IP6K3: variants seen among roughly 807,000 people sequenced by gnomAD.
IP6K3 encodes the protein ATP:1D-myo-inositol-hexakisphosphate phosphotransferase.
In IP6K3, 20 loss-of-function variants were observed where a neutral mutation model predicts 28.8. The ratio of observed to expected loss-of-function variants is 0.70; its 90% CI spans 0.49 to 1.01. The LOEUF (loss-of-function observed/expected upper bound fraction) is 1.01, where lower values mean the gene tolerates loss of function less well. Ranked by LOEUF, IP6K3 falls within the 50% of genes least tolerant of loss-of-function variation. The pLI, the probability that IP6K3 is intolerant of heterozygous loss-of-function variation, is 0.00. For synonymous variants in IP6K3, 213 were observed against 221.3 expected, an observed-to-expected ratio of 0.96 and a Z score of 0.33; for missense variants, 480 against 537.1, an observed-to-expected ratio of 0.89 and a Z score of 1.05.
chr6:33,747,576 C>T (rs1766948456), upstream of IP6K3, among the ~76,000 whole-genome samples: 1 of 152,052 alleles, frequency 6.6e-6, no homozygotes, highest in South Asian at 2.1e-4. The surrounding 1 kb of genome is among the most constrained non-coding windows in gnomAD (Gnocchi z 5.2). Context: ...GAAGGAGAAA[C>T]AGGGTCATTT....
chr6:33,752,074 A>C, the IP6K3 span, among the ~76,000 whole-genome samples: 1 of 152,126 alleles, frequency 6.6e-6, no homozygotes, highest in African/African-American at 2.4e-5. Flanking sequence ...GAGGACCCAA[A>C]GCTGCCACCT....
chr6:33,727,168 A>C (rs1398303863), intron 3 of IP6K3, among the ~76,000 whole-genome samples: 1 of 152,184 alleles, frequency 6.6e-6, no homozygotes, highest in Non-Finnish European at 1.5e-5. Flanking sequence ...GGCTGAGGTG[A>C]TTTAAACTCA....
chr6:33,735,408 G>A lies in IP6K3; in HGVS notation c.69C>T (p.His23=). 2 of 1,608,722 alleles carry A rather than the reference G, an allele frequency of 1.2e-6. No homozygotes were observed. Among genetic ancestry groups the A allele is most frequent in the Non-Finnish European group, 1.7e-6 (2 of 1,177,580 alleles). ...TCACGCTCATGTGCCCCCCGACCTGGTGCAGGAAGGGCTCCAGCTGCACGC... is the reference window on the plus strand; with the variant it reads ...TCACGCTCATGTGCCCCCCGACCTGATGCAGGAAGGGCTCCAGCTGCACGC... The part of the protein sequence containing the change: ...RAGVQLEPFL[H]QVGGHMSVMK... The change falls in exon 2 of 6, where the codon CAC becomes CAT. Residue 23 remains histidine, a synonymous_variant. Transcript: ENST00000293756.
At position 33,721,801 on chromosome 6, in the gene IP6K3, C is replaced by A. The variant is rs575243720; in HGVS notation, c.*919G>T. 134 of 152,624 alleles carry A rather than the reference C, an allele frequency of 8.8e-4. 1 individual carries two copies. The highest frequency in any genetic ancestry group is 3.2e-3 in the African/African-American group (133 of 41,526). 9.5% of individuals were successfully genotyped at this position (152,624 alleles called of 1,614,324 possible). ...TAATTAGAACTGTTTGTTCTTATTC[C>A]ATATTTACACTTGTCCACCAGTCTT... is the stretch of plus-strand genomic sequence containing the variant. On this transcript the variant is annotated 3_prime_UTR_variant, in exon 6 of 6. Transcript: ENST00000293756.
chr6:33,730,106 G>A (rs968567118), intron 2 of IP6K3, among the ~76,000 whole-genome samples: 1 of 152,178 alleles, frequency 6.6e-6, no homozygotes, highest in South Asian at 2.1e-4. Context: ...TAGGCCGCAT[G>A]TTTTTATGTC....
chr6:33,757,935 G>C, the IP6K3 span, among the ~76,000 whole-genome samples: 2 of 152,280 alleles, frequency 1.3e-5, no homozygotes. Flanking sequence ...TCCGAGGCAG[G>C]GGGGATCAGC....
chr6:33,728,719 A>G (rs1432868031), intron 2 of IP6K3, among the ~76,000 whole-genome samples: 1 of 152,174 alleles, frequency 6.6e-6, no homozygotes, highest in Non-Finnish European at 1.5e-5. Flanking sequence ...CGCCCACCTC[A>G]GAGTGCCAGT....
chr6:33,739,900 A>G (rs1262668901), intron 1 of IP6K3, among the ~76,000 whole-genome samples: 3 of 152,352 alleles, frequency 2.0e-5, no homozygotes, highest in Non-Finnish European at 2.9e-5. Context: ...ACCCTCTGCC[A>G]CAGCCTTGTC....
At chr6:33,727,860 A>G (rs568786920) in intron 3 of IP6K3, 4 of 985,468 alleles carry the variant, frequency 4.1e-6, no homozygotes, top group Admixed American at 6.1e-5. Context: ...CTGCCTGTGC[A>G]TCAACTTCTG....
the IP6K3 span, among the ~76,000 whole-genome samples, chr6:33,758,052 G>A: frequency 6.6e-6 from 1 of 152,194 alleles, no homozygotes; most frequent in Non-Finnish European, 1.5e-5. Flanking sequence ...AGTGGTGGAG[G>A]CGAGTCGCAG....
chr6:33,728,405 C>A, intron 2 of IP6K3, 105 bp from the exon 3 acceptor site: 1 of 999,164 alleles, frequency 1.0e-6, no homozygotes, highest in South Asian at 1.5e-5. Flanking sequence ...TGGCCCTGGT[C>A]CACCTCCTCC....
At chr6:33,729,768 C>T (rs888621860) in intron 2 of IP6K3, among the ~76,000 whole-genome samples, 1 of 151,694 alleles carries the variant, frequency 6.6e-6, no homozygotes, top group South Asian at 2.1e-4. Flanking sequence ...GGCTGGAGTG[C>T]AGTGGCGCAA....
intron 1 of IP6K3, among the ~76,000 whole-genome samples, chr6:33,737,790 C>G (rs571365623): frequency 6.6e-6 from 1 of 151,988 alleles, no homozygotes; most frequent in African/African-American, 2.4e-5. Flanking sequence ...CGGGGCTGCT[C>G]GGGTGGGAGG....
At chr6:33,762,074 C>G in the IP6K3 span, among the ~76,000 whole-genome samples, 1 of 152,216 alleles carries the variant, frequency 6.6e-6, no homozygotes, top group East Asian at 1.9e-4. Flanking sequence ...ACCCAGAGCT[C>G]TGTCTCCTGG....
chr6:33,728,529 T>C (rs924883876), intron 2 of IP6K3, among the ~76,000 whole-genome samples: 6 of 152,238 alleles, frequency 3.9e-5, no homozygotes, highest in Non-Finnish European at 8.8e-5. Context: ...GGGCTGATCT[T>C]GGCACATCCT....
chr6:33,753,886 G>A, the IP6K3 span, among the ~76,000 whole-genome samples: 102 of 152,208 alleles, frequency 6.7e-4, no homozygotes, highest in African/African-American at 2.1e-3. Context: ...TCAGCTCACT[G>A]CAAGCTCTGC....
chr6:33,753,615 A>G, the IP6K3 span, among the ~76,000 whole-genome samples: 1 of 152,124 alleles, frequency 6.6e-6, no homozygotes, highest in Admixed American at 6.6e-5. Context: ...ATGGAGGCAG[A>G]TAGGATACCT....
At chr6:33,751,414 A>G (rs1168355542), upstream of IP6K3, among the ~76,000 whole-genome samples, 1 of 152,140 alleles carries the variant, frequency 6.6e-6, no homozygotes, top group Non-Finnish European at 1.5e-5. This position sits in a 1 kb window ranked among gnomAD's most constrained non-coding sequence, Gnocchi z 4.3. Flanking sequence ...TGGAAGGCAG[A>G]TGGCCCCACT....
upstream of IP6K3, among the ~76,000 whole-genome samples, chr6:33,749,905 T>C (rs1426459803): frequency 1.3e-5 from 2 of 152,078 alleles, no homozygotes; most frequent in African/African-American, 4.8e-5. Flanking sequence ...CACTATTCTG[T>C]GGACTGGAGC....
Sources: allele counts gnomAD v4.1 joint callset (sites outside exome capture counted in the v4.1 genomes callset), GRCh38; gene constraint gnomAD v4.1.1; non-coding constraint Gnocchi (gnomAD v3.1); transcripts MANE v1.5; gene names NCBI Gene and HGNC (gene_info 2026-07-23, HGNC 2026-07-21).